Variants in BMP5 observed in about 807,000 individuals in gnomAD.
BMP5 encodes the protein bone morphogenetic protein 5.
In BMP5, 23 loss-of-function variants were observed where a neutral mutation model predicts 46.6. That is an observed-to-expected ratio of 0.49 (90% confidence interval 0.35 to 0.70). BMP5 has a LOEUF of 0.70. Ranked by LOEUF, BMP5 falls within the 30% of genes least tolerant of loss-of-function variation. The pLI is 0.00. For missense variants in BMP5, 545 were observed against 565.6 expected, an observed-to-expected ratio of 0.96 and a Z score of 0.37; for synonymous variants, 204 against 191.9, an observed-to-expected ratio of 1.06 and a Z score of -0.52.
At chr6:55,844,971 C>A (rs1046781748) in intron 1 of BMP5, among the ~76,000 whole-genome samples, 3 of 152,038 alleles carry the variant, frequency 2.0e-5, no homozygotes, top group Admixed American at 6.6e-5. Flanking sequence ...TTGTTTATAT[C>A]ATATAGCTTT....
chr6:55,821,503 T>G (rs1776409150), intron 1 of BMP5, among the ~76,000 whole-genome samples: 1 of 152,142 alleles, frequency 6.6e-6, no homozygotes, highest in Non-Finnish European at 1.5e-5. Context: ...ATTTTTGTCC[T>G]GTGGATCTTG....
At chr6:55,818,360 A>G (rs889621492) in intron 2 of BMP5, among the ~76,000 whole-genome samples, 3 of 151,944 alleles carry the variant, frequency 2.0e-5, no homozygotes, top group Non-Finnish European at 4.4e-5. Flanking sequence ...ATTTCCTTAC[A>G]AAGTTTTTCT....
chr6:55,814,520 T>C (rs1022994671), intron 2 of BMP5, among the ~76,000 whole-genome samples: 2 of 152,198 alleles, frequency 1.3e-5, no homozygotes, highest in Non-Finnish European at 2.9e-5. Context: ...GAAATTTCCC[T>C]ATTTGGGAAT....
intron 2 of BMP5, among the ~76,000 whole-genome samples, chr6:55,810,195 C>A (rs1312243409): frequency 1.3e-5 from 2 of 151,836 alleles, no homozygotes; most frequent in East Asian, 3.9e-4. Flanking sequence ...TTTTTTTCCC[C>A]AAAATAAATG....
At chr6:55,825,868 TAGCATTCTCCCAGG>T (rs1399431149) in intron 1 of BMP5, among the ~76,000 whole-genome samples, 2 of 151,856 alleles carry the variant, frequency 1.3e-5, no homozygotes, top group Non-Finnish European at 2.9e-5. Flanking sequence ...AAGGCAAAGA[TAGCATTCTCCCAGG>T]AGCCTAGCCA....
At chr6:55,820,150 AG>A (rs887123837) in intron 1 of BMP5, among the ~76,000 whole-genome samples, 2 of 152,194 alleles carry the variant, frequency 1.3e-5, no homozygotes, top group African/African-American at 4.8e-5. Context: ...CTATGTATCA[AG>A]TATCAGACCA....
intron 3 of BMP5, among the ~76,000 whole-genome samples, chr6:55,781,073 A>AC: frequency 6.6e-6 from 1 of 152,204 alleles, no homozygotes; most frequent in East Asian, 1.9e-4. Context: ...CCACAAAAGC[A>AC]CTTACTTTTT....
Position 55,780,456 on chromosome 6 carries a change from T to TAAAAAAAA in BMP5, c.833-6221_833-6214dup, listed in dbSNP as rs369703099. Among the ~76,000 whole-genome samples, 140 of 61,180 alleles carry TAAAAAAAA rather than the reference T, an allele frequency of 2.3e-3. 1 individual carries two copies. Among genetic ancestry groups the TAAAAAAAA allele is most frequent in the East Asian group, 2.7e-3 (6 of 2,234 alleles). The allele number at this position is 61,180 out of a possible 152,430, so 40.1% of individuals were successfully genotyped here. On this transcript the variant is annotated intron_variant, in intron 3 of 6. Coordinates refer to ENST00000370830, the MANE Select transcript of BMP5 (RefSeq NM_021073.4). ...TAACACAGTGAAACCCCATCACTAC[T>TAAAAAAAA]AAAAAAAAAAAAAAAAAGAAAGAAA...
At chr6:55,763,982 A>G (rs2127517104) in intron 4 of BMP5, among the ~76,000 whole-genome samples, 1 of 152,282 alleles carries the variant, frequency 6.6e-6, no homozygotes, top group African/African-American at 2.4e-5. Flanking sequence ...AAACACAAAA[A>G]TTCCTGAATA....
intron 1 of BMP5, among the ~76,000 whole-genome samples, chr6:55,835,055 C>T (rs1776757230): frequency 1.3e-5 from 2 of 149,880 alleles, no homozygotes; most frequent in African/African-American, 2.5e-5. Flanking sequence ...CATTGCTCTC[C>T]AGCCTGAGCA....
chr6:55,780,005 T>C (rs1775269154), intron 3 of BMP5, among the ~76,000 whole-genome samples: 1 of 152,086 alleles, frequency 6.6e-6, no homozygotes, highest in Middle Eastern at 3.4e-3. Context: ...GGGTTCTGTT[T>C]AACAAATGAG....
intron 1 of BMP5, among the ~76,000 whole-genome samples, chr6:55,869,337 C>T (rs79888154): frequency 0.011 from 1,663 of 152,224 alleles, 28 homozygotes; most frequent in African/African-American, 0.037. Flanking sequence ...AAAAACCAGC[C>T]TTTAATGACT....
chr6:55,756,021 A>G (rs1163397604), intron 6 of BMP5, among the ~76,000 whole-genome samples: 2 of 151,974 alleles, frequency 1.3e-5, no homozygotes, highest in African/African-American at 4.8e-5. Context: ...AACTGTTCCT[A>G]TATATATCAT....
At chr6:55,872,778 G>A (rs760406590) in intron 1 of BMP5, among the ~76,000 whole-genome samples, 7 of 151,612 alleles carry the variant, frequency 4.6e-5, no homozygotes, top group Non-Finnish European at 1.0e-4. Flanking sequence ...AATGGTTTAT[G>A]AATATATAAA....
chr6:55,812,189 G>A (rs1776152462), intron 2 of BMP5, among the ~76,000 whole-genome samples: 1 of 152,204 alleles, frequency 6.6e-6, no homozygotes, highest in Non-Finnish European at 1.5e-5. Context: ...GATTAAATAA[G>A]TGAAATGATG....
chr6:55,755,267 GCATAACC>G lies in BMP5; in HGVS notation c.*259_*265del. The G allele has an allele frequency of 3.1e-6, 1 of 326,370 alleles. No homozygotes were observed. The highest frequency in any genetic ancestry group is 9.1e-4 in the Middle Eastern group (1 of 1,102). 20.2% of individuals were successfully genotyped at this position (326,370 alleles called of 1,614,324 possible). On this transcript the variant is annotated 3_prime_UTR_variant, in exon 7 of 7. Transcript: ENST00000370830. The stretch of plus-strand genomic sequence containing the variant: ...GTTGAAATGGAATTGAATGGACTCA[GCATAACC>G]CATTGAAAATTATACTAGATGATCT...
intron 3 of BMP5, among the ~76,000 whole-genome samples, chr6:55,791,624 G>C (rs1355271541): frequency 6.6e-6 from 1 of 152,046 alleles, no homozygotes; most frequent in South Asian, 2.1e-4. Flanking sequence ...CTAGTTCTCA[G>C]AGAGAAAAAG....
Position 55,833,212 on chromosome 6 carries a change from G to A in BMP5, c.491-13365C>T, listed in dbSNP as rs1776707377. Among the ~76,000 whole-genome samples the A allele has an allele frequency of 2.6e-5, 4 of 152,308 alleles. No homozygotes were observed. In the South Asian group the frequency reaches 8.3e-4, roughly 32 times the overall value. On this transcript the variant is annotated intron_variant, in intron 1 of 6. Coordinates refer to ENST00000370830, the MANE Select transcript of BMP5 (RefSeq NM_021073.4). ...CATGGCATTGACCACAGTACAGGAT[G>A]TTTAGACTCTGCAAAATGCAAGTGT...
At chr6:55,756,470 C>G (rs2127513867) in intron 6 of BMP5, among the ~76,000 whole-genome samples, 1 of 152,094 alleles carries the variant, frequency 6.6e-6, no homozygotes, top group South Asian at 2.1e-4. Context: ...TTTGATCAGA[C>G]TGGCAGTCTG....
Sources: gnomAD v4.1 joint callset for allele counts (sites outside exome capture counted in the v4.1 genomes callset) on GRCh38, gnomAD v4.1.1 for gene constraint, MANE v1.5 for transcripts, NCBI Gene and HGNC (gene_info 2026-07-23, HGNC 2026-07-21) for gene names.